The following PCDHA1 variants were observed in gnomAD, a reference collection of about 807,000 sequenced individuals.
The protein encoded by PCDHA1 is protocadherin alpha-1.
In PCDHA1, 42 loss-of-function variants were observed where a neutral mutation model predicts 61.3. The observed-to-expected ratio is 0.69, with a 90% CI of 0.54 to 0.89. PCDHA1 has a LOEUF of 0.89. PCDHA1 is among the 40% of genes least tolerant of loss of function. The probability of loss-of-function intolerance (pLI) is 0.00; values close to 1 mark genes in which losing one functional copy is unlikely to be tolerated. For missense variants in PCDHA1, 1,256 were observed against 1,235.3 expected (o/e 1.02, Z -0.25); for synonymous variants, 610 against 553.8 (o/e 1.10, Z -1.43).
Position 140,852,025 on chromosome 5 carries a change from G to A in PCDHA1, c.2394+63341G>A, listed in dbSNP as rs955032010. 1.9e-4 allele frequency: 179 copies of A among 947,094 alleles called. 7 individuals are homozygous for A. The highest frequency in any genetic ancestry group is 4.5e-4 in the African/African-American group (25 of 55,960). The allele number at this position is 947,094 out of a possible 1,614,324, so 58.7% of individuals were successfully genotyped here. A position where few individuals can be genotyped will look rare whatever the true frequency, so the allele number is the denominator to read the frequency against. On this transcript the variant is annotated intron_variant, in intron 1 of 3. Coordinates refer to ENST00000504120, the MANE Select transcript of PCDHA1 (RefSeq NM_018900.4). ...TCTAATTTATAGTTTTAAAAACTTC[G>A]CTTATTGAGTTTTTGTTATGTGGTT...
intron 1 of PCDHA1, chr5:140,864,038 C>T (rs541763378): frequency 1.2e-4 from 19 of 153,004 alleles, no homozygotes; most frequent in African/African-American, 4.6e-4. Context: ...CCATCTTAAT[C>T]ACTTTTTACT....
At chr5:140,941,262 T>TTTCTCTTTCC in intron 1 of PCDHA1, among the ~76,000 whole-genome samples, 1 of 138,798 alleles carries the variant, frequency 7.2e-6, no homozygotes, top group Non-Finnish European at 1.6e-5. Context: ...TTTCTCTTTC[T>TTTCTCTTTCC]TTCTTTCTTT....
intron 1 of PCDHA1, among the ~76,000 whole-genome samples, chr5:140,941,250 T>TCCTTCCTTC (rs1441496906): frequency 7.2e-6 from 1 of 139,474 alleles, no homozygotes; most frequent in East Asian, 2.1e-4. Context: ...TTTCTTTCTT[T>TCCTTCCTTC]CTTTCTCTTT....
intron 1 of PCDHA1, among the ~76,000 whole-genome samples, chr5:140,917,830 G>A (rs2078377355): frequency 6.6e-6 from 1 of 151,722 alleles, no homozygotes; most frequent in Admixed American, 6.6e-5. Flanking sequence ...GTAGTGTGAT[G>A]TCCTTCTTGT....
At chr5:140,843,797 TC>T (rs2150366805) in intron 1 of PCDHA1, 1 of 1,359,254 alleles carries the variant, frequency 7.4e-7, no homozygotes, top group South Asian at 1.4e-5. Flanking sequence ...ATTTAGTTTT[TC>T]ACCGTATTTT....
rs782395968 is a variant in PCDHA1, at chr5:141,011,916, A to G, written c.*1979A>G. ...TATTATCTATTTAGGCATTAATATA[A>G]AAGAGGTAGGAGTCTGTTATTTAAA... On this transcript the variant is annotated 3_prime_UTR_variant, in exon 4 of 4. Coordinates refer to ENST00000504120, the MANE Select transcript of PCDHA1 (RefSeq NM_018900.4). 4 of 153,828 alleles carry G rather than the reference A, an allele frequency of 2.6e-5. No individual in the cohort carries two copies. The highest frequency in any genetic ancestry group is 4.4e-5 in the Non-Finnish European group (3 of 68,030). 9.5% of individuals were successfully genotyped at this position (153,828 alleles called of 1,614,324 possible). A position where few individuals can be genotyped will look rare whatever the true frequency, so the allele number is the denominator to read the frequency against.
Position 140,882,649 on chromosome 5 carries a change from C to T in PCDHA1, c.2394+93965C>T, listed in dbSNP as rs559940161. On this transcript the variant is annotated intron_variant, in intron 1 of 3. Transcript: ENST00000504120. ...TGGAGGTGAAGGTGAGGGACATTAA[C>T]GACAACCCGCCCATATTCCCTGAAA... The T allele has an allele frequency of 6.2e-6, 10 of 1,614,214 alleles. No individual in the cohort carries two copies. In the African/African-American group the frequency reaches 1.1e-4, roughly 17 times the overall value.
Position 141,009,873 on chromosome 5 carries a change from A to C in PCDHA1, c.2789A>C (p.Lys930Thr), listed in dbSNP as rs782413551. The C allele has an allele frequency of 1.2e-6, 2 of 1,613,916 alleles. No homozygotes were observed. The highest frequency in any genetic ancestry group is 2.7e-5 in the African/African-American group (2 of 74,862). The change falls in exon 4 of 4, where the codon AAG (lysine) becomes ACG (threonine). Residue 930 changes from lysine to threonine, a missense_variant. Lys to Thr is a moderately conservative substitution (Grantham distance 78). Transcript: ENST00000504120. ...ACCAAGAAAAAGAAGAAAAAGAAGA[A>C]GGGTAACAAGACCCAGGAGAAAAAA... ...EETKKKKKKK[K>T]GNKTQEKKEK...
At chr5:140,809,660 C>A in intron 1 of PCDHA1, 1 of 1,483,764 alleles carries the variant, frequency 6.7e-7, no homozygotes, top group South Asian at 1.4e-5. Context: ...GTCAAATTTC[C>A]CTGGGTTAAA....
At chr5:140,798,327 A>G (rs941948042) in intron 1 of PCDHA1, among the ~76,000 whole-genome samples, 3 of 152,238 alleles carry the variant, frequency 2.0e-5, no homozygotes, top group Non-Finnish European at 4.4e-5. Context: ...ATTATTTGGT[A>G]TAAAGATTTC....
chr5:140,961,770 A>C, intron 1 of PCDHA1, among the ~76,000 whole-genome samples: 1 of 152,206 alleles, frequency 6.6e-6, no homozygotes, highest in East Asian at 1.9e-4. Flanking sequence ...ATTTATATCA[A>C]GCTTAATGGC....
intron 1 of PCDHA1, chr5:140,809,800 T>C: frequency 2.2e-6 from 1 of 447,862 alleles, no homozygotes; most frequent in Non-Finnish European, 3.9e-6. Flanking sequence ...CTGTAATTTC[T>C]AGTAAATTTT....
chr5:140,850,473 A>T lies in PCDHA1; in HGVS notation c.2394+61789A>T, dbSNP rs1320071862. 8.8e-6 allele frequency: 14 copies of T among 1,597,572 alleles called. 1 individual carries two copies. The highest frequency in any genetic ancestry group is 1.2e-5 in the Non-Finnish European group (14 of 1,167,568). On this transcript the variant is annotated intron_variant, in intron 1 of 3. Transcript: ENST00000504120. ...GAAAGACCACGGGGAGCCAGCGCTGACGGCCACGGCCACTGTGCTGGTGTC... is the reference window on the plus strand; with the variant it reads ...GAAAGACCACGGGGAGCCAGCGCTGTCGGCCACGGCCACTGTGCTGGTGTC...
intron 1 of PCDHA1, among the ~76,000 whole-genome samples, chr5:140,974,769 T>C (rs1487371754): frequency 6.6e-6 from 1 of 152,238 alleles, no homozygotes; most frequent in Non-Finnish European, 1.5e-5. Context: ...ATTACAGGTA[T>C]GAGCCACTGC....
chr5:140,960,316 G>A (rs1360755627), intron 1 of PCDHA1, among the ~76,000 whole-genome samples: 1 of 152,066 alleles, frequency 6.6e-6, no homozygotes, highest in African/African-American at 2.4e-5. Flanking sequence ...ACCTCATTAG[G>A]GTCCTGTGAG....
chr5:140,934,534 G>A (rs1248269957), intron 1 of PCDHA1, among the ~76,000 whole-genome samples: 1 of 152,062 alleles, frequency 6.6e-6, no homozygotes, highest in Admixed American at 6.6e-5. Flanking sequence ...GAGAGCTACC[G>A]TTCTAATTCT....
At chr5:140,889,637 G>A (rs184352635) in intron 1 of PCDHA1, among the ~76,000 whole-genome samples, 5 of 151,668 alleles carry the variant, frequency 3.3e-5, no homozygotes, top group Admixed American at 3.3e-4. Context: ...CTTTTCATTT[G>A]TGTTTGCAGG....
At chr5:140,990,537 A>G (rs2097398813) in intron 3 of PCDHA1, among the ~76,000 whole-genome samples, 1 of 152,192 alleles carries the variant, frequency 6.6e-6, no homozygotes, top group Non-Finnish European at 1.5e-5. Flanking sequence ...TGTGCATCAT[A>G]GATACTGTAT....
chr5:140,840,160 G>A (rs1039841732), intron 1 of PCDHA1, among the ~76,000 whole-genome samples: 17 of 152,042 alleles, frequency 1.1e-4, no homozygotes, highest in African/African-American at 3.9e-4. Context: ...AAGGAGAGAT[G>A]GGATGTATAC....
Sources: gnomAD v4.1 joint callset for allele counts (sites outside exome capture counted in the v4.1 genomes callset) on GRCh38, gnomAD v4.1.1 for gene constraint, MANE v1.5 for transcripts, NCBI Gene and HGNC (gene_info 2026-07-23, HGNC 2026-07-21) for gene names.